Variants in ANKS1B observed in about 807,000 individuals in gnomAD.
ANKS1B encodes ankyrin repeat and sterile alpha motif domain-containing protein 1B.
ANKS1B carries 36 observed loss-of-function variants against 148.3 expected under a neutral mutation model. That is an observed-to-expected ratio of 0.24 (90% CI 0.19 to 0.32). The LOEUF is 0.32. ANKS1B is among the 10% of genes least tolerant of loss of function. The probability of loss-of-function intolerance (pLI) is 1.00; values close to 1 mark genes in which losing one functional copy is unlikely to be tolerated. For missense variants in ANKS1B, 1,157 were observed against 1,542.6 expected, an observed-to-expected ratio of 0.75 and a Z score of 4.19; for synonymous variants, 542 against 560.8, an observed-to-expected ratio of 0.97 and a Z score of 0.47.
At chr12:99,322,972 G>A (rs2085590126) in intron 12 of ANKS1B, among the ~76,000 whole-genome samples, 1 of 152,116 alleles carries the variant, frequency 6.6e-6, no homozygotes, top group African/African-American at 2.4e-5. Flanking sequence ...ATGATTGTGA[G>A]GCCCCCTGGT....
rs2080528661 is a variant in ANKS1B at position 99,294,424 on chromosome 12, C to G, written c.1757-47560G>C. ...CATGTTAAGTGAAATAAGCCAGGTACAGAAAGATTAACTTCACATGTTCTC... is the reference window on the plus strand; with the variant it reads ...CATGTTAAGTGAAATAAGCCAGGTAGAGAAAGATTAACTTCACATGTTCTC... On this transcript the variant is annotated intron_variant, in intron 12 of 26. Transcript: ENST00000683438. Among the ~76,000 whole-genome samples, 4 of 152,112 alleles carry G rather than the reference C, an allele frequency of 2.6e-5. No individual in the cohort carries two copies. In the South Asian group the frequency reaches 8.3e-4, roughly 31 times the overall value.
intron 1 of ANKS1B, among the ~76,000 whole-genome samples, chr12:99,944,911 T>A (rs993467502): frequency 2.6e-5 from 4 of 152,068 alleles, no homozygotes; most frequent in African/African-American, 9.7e-5. Flanking sequence ...TGTGTAAGAT[T>A]TAGACATGCT....
intron 8 of ANKS1B, among the ~76,000 whole-genome samples, chr12:99,678,654 A>T (rs1287401214): frequency 9.2e-5 from 14 of 152,178 alleles, no homozygotes; most frequent in African/African-American, 2.9e-4. Flanking sequence ...CTTAAAAAAA[A>T]ATCTCTTTTT....
chr12:99,746,855 AC>A (rs1165099145), intron 8 of ANKS1B, among the ~76,000 whole-genome samples: 1 of 152,116 alleles, frequency 6.6e-6, no homozygotes, highest in Non-Finnish European at 1.5e-5. Flanking sequence ...CTGCAAGAGT[AC>A]TATACATAAC....
intron 17 of ANKS1B, among the ~76,000 whole-genome samples, chr12:98,971,750 C>T (rs1008473012): frequency 3.9e-5 from 6 of 152,196 alleles, no homozygotes; most frequent in African/African-American, 1.4e-4. Flanking sequence ...GTCCCTCTGC[C>T]TGCACAAAAG....
intron 17 of ANKS1B, among the ~76,000 whole-genome samples, chr12:98,990,527 C>G (rs1179443283): frequency 7.1e-6 from 1 of 141,222 alleles, no homozygotes; most frequent in Non-Finnish European, 1.5e-5. Context: ...GAGATCAGCA[C>G]AGCAGCAAGA....
chr12:99,982,662 A>G (rs2095719661), intron 1 of ANKS1B, among the ~76,000 whole-genome samples: 1 of 152,204 alleles, frequency 6.6e-6, no homozygotes, highest in Non-Finnish European at 1.5e-5. Context: ...TTAGAGCTGC[A>G]ATCTGAAATA....
chr12:99,188,948 G>A (rs1299209241), intron 14 of ANKS1B, among the ~76,000 whole-genome samples: 1 of 152,072 alleles, frequency 6.6e-6, no homozygotes, highest in Non-Finnish European at 1.5e-5. Flanking sequence ...CCACTAGCCA[G>A]ACTAATAAAG....
chr12:99,738,759 T>C (rs1006184318), intron 8 of ANKS1B, among the ~76,000 whole-genome samples: 5 of 152,150 alleles, frequency 3.3e-5, no homozygotes, highest in Admixed American at 6.5e-5. Flanking sequence ...AAACCAAGAC[T>C]CACTAGTTAA....
At chr12:99,792,936 T>C (rs1444599623) in intron 4 of ANKS1B, among the ~76,000 whole-genome samples, 15 of 151,974 alleles carry the variant, frequency 9.9e-5, no homozygotes. Context: ...CAATCTTATA[T>C]TTGGAAAAAC....
rs59566177 is a variant in ANKS1B at position 99,273,014 on chromosome 12, C to T, written c.1757-26150G>A. Among the ~76,000 whole-genome samples, 535 of 152,260 alleles carry T rather than the reference C, an allele frequency of 3.5e-3. 20 individuals are homozygous for T. The East Asian group carries it at 0.067, about 19-fold the overall frequency. ...AGTGGTGGGACAGGCATAGGATAACCTCTACAGATAGTTGCAATCAAAAGG... is the reference window on the plus strand; with the variant it reads ...AGTGGTGGGACAGGCATAGGATAACTTCTACAGATAGTTGCAATCAAAAGG... On this transcript the variant is annotated intron_variant, in intron 12 of 26. Transcript: ENST00000683438.
chr12:99,032,795 A>C (rs961910113), intron 17 of ANKS1B, among the ~76,000 whole-genome samples: 1 of 152,176 alleles, frequency 6.6e-6, no homozygotes, highest in Non-Finnish European at 1.5e-5. Flanking sequence ...ATGGCAATTT[A>C]AGTTTTGTGT....
intron 15 of ANKS1B, among the ~76,000 whole-genome samples, chr12:99,145,222 C>A (rs1555301468): frequency 6.6e-6 from 1 of 152,060 alleles, no homozygotes; most frequent in Non-Finnish European, 1.5e-5. Flanking sequence ...TAAGCCAGGC[C>A]TTTGAAGTAA....
At position 99,416,538 on chromosome 12, in the gene ANKS1B, C is replaced by A. The variant is rs117467132; in HGVS notation, c.1576-16727G>T. Among the ~76,000 whole-genome samples, 806 of 152,288 alleles carry A rather than the reference C, an allele frequency of 5.3e-3. 7 individuals carry two copies. Among genetic ancestry groups the A allele is most frequent in the Non-Finnish European group, 7.0e-3 (477 of 68,016 alleles). ...GTCACAATTTTTTATTTTAGCCCTT[C>A]TGATAGGTGTGTAGTGATATCTCAT... On this transcript the variant is annotated intron_variant, in intron 11 of 26. Coordinates refer to ENST00000683438, the MANE Select transcript of ANKS1B (RefSeq NM_001352186.2).
intron 1 of ANKS1B, among the ~76,000 whole-genome samples, chr12:99,950,434 C>T (rs1221845562): frequency 9.2e-5 from 14 of 152,092 alleles, no homozygotes; most frequent in African/African-American, 3.4e-4. Context: ...CCCCACCACA[C>T]ATACTTTCCT....
downstream of ANKS1B, among the ~76,000 whole-genome samples, chr12:98,740,151 C>G (rs1315104530): frequency 6.6e-6 from 1 of 152,238 alleles, no homozygotes; most frequent in East Asian, 1.9e-4. Context: ...GTGGCTTTGG[C>G]TGTCAAGTGG....
chr12:98,745,675 A>C lies in ANKS1B; in HGVS notation c.*64T>G. 1.3e-6 allele frequency: 2 copies of C among 1,591,330 alleles called. 1 individual carries two copies. The highest frequency in any genetic ancestry group is 2.3e-5 in the South Asian group (2 of 87,768). On this transcript the variant is annotated 3_prime_UTR_variant, in exon 27 of 27. Transcript: ENST00000683438. ...GGGCTGGGTGGACGCGGAGGCGCGAAGGAAAGCCTGCTCCGGGACCGCTTG... is the reference window on the plus strand; with the variant it reads ...GGGCTGGGTGGACGCGGAGGCGCGACGGAAAGCCTGCTCCGGGACCGCTTG...
intron 15 of ANKS1B, among the ~76,000 whole-genome samples, chr12:99,088,803 T>C (rs1363365934): frequency 1.3e-5 from 2 of 150,496 alleles, no homozygotes; most frequent in Admixed American, 1.3e-4. Flanking sequence ...ATCACTTGCC[T>C]TTACTAAATG....
In ANKS1B at chr12:99,052,652, C is replaced by T. The variant is rs1332449821; in HGVS notation, c.2778+505G>A. Among the ~76,000 whole-genome samples the T allele has an allele frequency of 3.8e-5, 5 of 132,116 alleles. No homozygotes were observed. The South Asian group carries it at 8.6e-4, about 23-fold the overall frequency. 86.7% of individuals were successfully genotyped at this position (132,116 alleles called of 152,430 possible). On this transcript the variant is annotated intron_variant, in intron 17 of 26. Coordinates refer to ENST00000683438, the MANE Select transcript of ANKS1B (RefSeq NM_001352186.2). ...CTGAGGCAGGAGAATGGCGTGAACC[C>T]GGGAAGCGGAGCTTGCAGTGAGCCG...
Sources: allele counts gnomAD v4.1 joint callset (sites outside exome capture counted in the v4.1 genomes callset), GRCh38; gene constraint gnomAD v4.1.1; transcripts MANE v1.5; gene names NCBI Gene and HGNC (gene_info 2026-07-23, HGNC 2026-07-21).